Variants in SAP30BP observed in about 807,000 individuals in gnomAD.
SAP30BP encodes SAP30 binding protein.
SAP30BP carries 31 observed loss-of-function variants against 46.3 expected under a neutral mutation model. The observed-to-expected ratio is 0.67, with a 90% CI of 0.50 to 0.90. The LOEUF is 0.90. Ranked by LOEUF, SAP30BP falls within the 40% of genes least tolerant of loss-of-function variation. The pLI is 0.00. For synonymous variants in SAP30BP, 169 were observed against 144.2 expected (o/e 1.17, Z -1.23); for missense variants, 312 against 391.0 (o/e 0.80, Z 1.70).
At chr17:75,705,332 G>A (rs529849273) in intron 9 of SAP30BP, 39 of 168,128 alleles carry the variant, frequency 2.3e-4, no homozygotes, top group Admixed American at 1.4e-3. Flanking sequence ...TCTGGGCCTT[G>A]TTCCCTTTGT....
At chr17:75,690,429 C>T (rs1183292816) in intron 3 of SAP30BP, among the ~76,000 whole-genome samples, 1 of 152,144 alleles carries the variant, frequency 6.6e-6, no homozygotes, top group Non-Finnish European at 1.5e-5. Context: ...CCCTGTGTCA[C>T]CCAGGCTGGA....
At chr17:75,686,345 G>A (rs571034801) in intron 3 of SAP30BP, among the ~76,000 whole-genome samples, 10 of 152,040 alleles carry the variant, frequency 6.6e-5, no homozygotes, top group Admixed American at 1.3e-4. Flanking sequence ...GTGAAACCCC[G>A]TCTCTACTAA....
intron 3 of SAP30BP, among the ~76,000 whole-genome samples, chr17:75,674,686 G>GT (rs1555718004): frequency 8.8e-5 from 5 of 57,034 alleles, no homozygotes; most frequent in African/African-American, 1.3e-4. Context: ...AAGTTTTTTT[G>GT]TTTGTTTTTT....
chr17:75,703,176 A>C (rs2060440398), intron 6 of SAP30BP, 135 bp from the exon 7 acceptor site: 2 of 759,234 alleles, frequency 2.6e-6, no homozygotes, highest in South Asian at 3.3e-5. Context: ...GAGGGCCATC[A>C]GGAAGCTTGC....
intron 3 of SAP30BP, among the ~76,000 whole-genome samples, chr17:75,676,086 G>A (rs1018074513): frequency 2.6e-5 from 4 of 152,182 alleles, no homozygotes; most frequent in Non-Finnish European, 4.4e-5. Context: ...TTGCATTCAG[G>A]TAATTATAGG....
chr17:75,705,928 C>G (rs2060489715), intron 9 of SAP30BP, 80 bp from the exon 10 acceptor site: 2 of 1,570,204 alleles, frequency 1.3e-6, no homozygotes, highest in African/African-American at 1.3e-5. Flanking sequence ...AAGCTCCTGT[C>G]CCCCAGGAGC....
intron 3 of SAP30BP, among the ~76,000 whole-genome samples, chr17:75,682,231 C>T (rs1599119149): frequency 6.6e-6 from 1 of 151,548 alleles, no homozygotes; most frequent in Non-Finnish European, 1.5e-5. Context: ...GTTGCCCAGG[C>T]TGGAGTGCAG....
chr17:75,703,997 C>T (rs1439163061), intron 8 of SAP30BP, 138 bp downstream of exon 8: 4 of 736,088 alleles, frequency 5.4e-6, no homozygotes, highest in Non-Finnish European at 9.8e-6. Context: ...TGGGTACAGG[C>T]CTGAATGAGA....
At position 75,667,729 on chromosome 17, in the gene SAP30BP, G is replaced by A. The variant is rs1297255539; in HGVS notation, c.106+251G>A. 3.3e-5 allele frequency among the ~76,000 whole-genome samples: 5 copies of A among 152,350 alleles called. No homozygotes were observed. In the East Asian group the frequency reaches 7.7e-4, roughly 23 times the overall value. On this transcript the variant is annotated intron_variant, in intron 1 of 10. Coordinates refer to ENST00000584667, the MANE Select transcript of SAP30BP (RefSeq NM_013260.8). The stretch of plus-strand genomic sequence containing the variant: ...GTGCCGGCTATAGTGATAGACAGAG[G>A]GATGGACGAAGAGGGAGCGGCTGCT...
intron 6 of SAP30BP, 27 bp from the exon 7 acceptor site, chr17:75,703,284 T>C: frequency 6.2e-7 from 1 of 1,611,534 alleles, no homozygotes; most frequent in East Asian, 2.2e-5. Context: ...GACTTGTGCC[T>C]GCTCAGCGCC....
chr17:75,705,464 G>C (rs987111260), intron 9 of SAP30BP: 2 of 212,058 alleles, frequency 9.4e-6, no homozygotes, highest in Admixed American at 1.1e-4. Flanking sequence ...GGGCTGTGGG[G>C]CCTGGGCATG....
chr17:75,690,328 A>G (rs1361494321), intron 3 of SAP30BP, among the ~76,000 whole-genome samples: 2 of 152,104 alleles, frequency 1.3e-5, no homozygotes, highest in Non-Finnish European at 2.9e-5. Context: ...TACTGTTTGA[A>G]TAGAGGTCAC....
Position 75,702,825 on chromosome 17 carries a change from C to T in SAP30BP, c.488+254C>T, listed in dbSNP as rs542423406. 1.8e-3 allele frequency: 622 copies of T among 348,592 alleles called. 4 individuals carry two copies. The highest frequency in any genetic ancestry group is 2.1e-3 in the African/African-American group (101 of 48,318). 21.6% of individuals were successfully genotyped at this position (348,592 alleles called of 1,614,324 possible). On this transcript the variant is annotated intron_variant, in intron 6 of 10. Transcript: ENST00000584667. ...GATGAGGGAGACCTGGCTGAGTTCT[C>T]GTCCCTGCTCTGAGCCTAAAGCACA...
Position 75,668,466 on chromosome 17 carries a change from GT to G in SAP30BP, c.107-40del, listed in dbSNP as rs764914738. On this transcript the variant is annotated intron_variant, in intron 1 of 10. Coordinates refer to ENST00000584667, the MANE Select transcript of SAP30BP (RefSeq NM_013260.8). ...CATTTTTTCTTACATTGTAACTCTT[GT>G]TTTTTTTTTCTTGCTTTTTGTTTGT... 5.1e-4 allele frequency: 552 copies of G among 1,080,052 alleles called. 1 individual carries two copies. The highest frequency in any genetic ancestry group is 2.5e-3 in the South Asian group (154 of 61,030). The allele number at this position is 1,080,052 out of a possible 1,614,324, so 66.9% of individuals were successfully genotyped here.
intron 4 of SAP30BP, among the ~76,000 whole-genome samples, chr17:75,697,994 G>A (rs983311447): frequency 6.6e-6 from 1 of 152,238 alleles, no homozygotes. Flanking sequence ...CTGGTGTTTT[G>A]TTCATTCTTT....
At chr17:75,690,563 C>A (rs925342333) in intron 3 of SAP30BP, 1 of 403,394 alleles carries the variant, frequency 2.5e-6, no homozygotes, top group Non-Finnish European at 5.0e-6. Context: ...AGCAGTCAGG[C>A]CCACCTCAGC....
rs1211884503 is a variant in SAP30BP, at chr17:75,706,900, G to A, written c.*379G>A. 3 of 237,632 alleles carry A rather than the reference G, an allele frequency of 1.3e-5. No individual in the cohort carries two copies. The highest frequency in any genetic ancestry group is 2.5e-5 in the Non-Finnish European group (3 of 120,334). 14.7% of individuals were successfully genotyped at this position (237,632 alleles called of 1,614,324 possible). On this transcript the variant is annotated 3_prime_UTR_variant, in exon 11 of 11. Coordinates refer to ENST00000584667, the MANE Select transcript of SAP30BP (RefSeq NM_013260.8). This position sits in a 1 kb window ranked among gnomAD's most constrained non-coding sequence, Gnocchi z 4.6. ...CAACAGGGTGATGGAGGCCTGGGAC[G>A]CTGTTCAGAGGGGTGACCCAAGAAG...
At chr17:75,676,128 C>T (rs866740422) in intron 3 of SAP30BP, among the ~76,000 whole-genome samples, 11 of 152,222 alleles carry the variant, frequency 7.2e-5, no homozygotes, top group South Asian at 4.1e-4. Flanking sequence ...CAAAACTCAA[C>T]AGGTGATAGT....
intron 3 of SAP30BP, chr17:75,692,198 C>T: frequency 1.0e-6 from 1 of 985,354 alleles, no homozygotes; most frequent in Non-Finnish European, 1.2e-6. Flanking sequence ...GAGGGACTTT[C>T]TGGAAAGGGG....
Sources: allele counts gnomAD v4.1 joint callset (sites outside exome capture counted in the v4.1 genomes callset), GRCh38; gene constraint gnomAD v4.1.1; non-coding constraint Gnocchi (gnomAD v3.1); transcripts MANE v1.5; gene names NCBI Gene and HGNC (gene_info 2026-07-23, HGNC 2026-07-21).